The following OTOG variants were observed in gnomAD, a reference collection of about 807,000 sequenced individuals.
The protein encoded by OTOG is otogelin.
A neutral mutation model predicts 313.8 loss-of-function variants in OTOG; 296 were observed. That is an observed-to-expected ratio of 0.94 (90% CI 0.86 to 1.04). The LOEUF is 1.04. OTOG is among the 50% of genes least tolerant of loss of function. The pLI is 0.00. For missense variants in OTOG, 3,948 were observed against 3,840.1 expected (o/e 1.03, Z -0.74); for synonymous variants, 1,533 against 1,554.9 (o/e 0.99, Z 0.33).
At chr11:17,582,128 T>G (rs2134042663) in intron 23 of OTOG, among the ~76,000 whole-genome samples, 1 of 152,354 alleles carries the variant, frequency 6.6e-6, no homozygotes, top group Non-Finnish European at 1.5e-5. Context: ...TTGACATCTA[T>G]GTATATATCA....
At position 17,553,228 on chromosome 11, in the gene OTOG, C is replaced by A. The variant is rs951762232; in HGVS notation, c.385+17C>A. 9.0e-6 allele frequency: 14 copies of A among 1,549,330 alleles called. No individual in the cohort carries two copies. In the African/African-American group the frequency reaches 9.6e-5, roughly 11 times the overall value. On this transcript the variant is annotated intron_variant, in intron 5 of 55. Transcript: ENST00000399397. ...GCCAGATGGGTGGGTCTGGGCTCCA[C>A]CCCACCCCCAGGAAGGGACCTGGGT... is the stretch of plus-strand genomic sequence containing the variant.
Position 17,547,473 on chromosome 11 carries a change from G to T in OTOG, c.94+7G>T. On this transcript the variant is annotated splice_region_variant and intron_variant, in intron 1 of 55. Transcript: ENST00000399397. The stretch of plus-strand genomic sequence containing the variant: ...CTGCGGGTGCAGCGCCTCGGTGAGA[G>T]GGTTGTGGACTCAGGGAGGTCGGGG... The T allele has an allele frequency of 7.3e-7, 1 of 1,369,094 alleles. No individual in the cohort carries two copies. The highest frequency in any genetic ancestry group is 9.4e-7 in the Non-Finnish European group (1 of 1,065,208). 84.8% of individuals were successfully genotyped at this position (1,369,094 alleles called of 1,614,324 possible). A position where few individuals can be genotyped will look rare whatever the true frequency, so the allele number is the denominator to read the frequency against.
intron 39 of OTOG, among the ~76,000 whole-genome samples, chr11:17,615,290 T>C (rs1853692736): frequency 6.6e-6 from 1 of 152,212 alleles, no homozygotes; most frequent in South Asian, 2.1e-4. Context: ...AATTTTCCAG[T>C]CTGTAGAGTG....
chr11:17,599,271 C>T (rs1424656730), intron 30 of OTOG, among the ~76,000 whole-genome samples: 2 of 152,164 alleles, frequency 1.3e-5, no homozygotes, highest in African/African-American at 2.4e-5. Context: ...TCTTGGAAGA[C>T]CAGCCTCCAT....
rs1422941229 is a variant in OTOG at position 17,593,592 on chromosome 11, C to T, written c.3142-18C>T. The T allele has an allele frequency of 2.1e-5, 33 of 1,548,234 alleles. No individual in the cohort carries two copies. Among genetic ancestry groups the T allele is most frequent in the Non-Finnish European group, 2.9e-5 (33 of 1,146,734 alleles). On this transcript the variant is annotated intron_variant, in intron 26 of 55. Coordinates refer to ENST00000399397, the MANE Select transcript of OTOG (RefSeq NM_001292063.2). ...AGGGGGCACTTGGGCTCAGGACTGA[C>T]CATCTCTGTCCCTCTAGAGTCCAGA...
At chr11:17,556,963 G>C (rs1402863372) in intron 7 of OTOG, among the ~76,000 whole-genome samples, 155 bp from the exon 8 acceptor site, 1 of 152,178 alleles carries the variant, frequency 6.6e-6, no homozygotes, top group East Asian at 1.9e-4. Context: ...CATCTCTAAT[G>C]GTATACTTCC....
intron 36 of OTOG, 130 bp from the exon 37 acceptor site, chr11:17,612,032 G>A: frequency 8.9e-7 from 1 of 1,123,014 alleles, no homozygotes; most frequent in Non-Finnish European, 1.3e-6. Context: ...AGGGGGTGAG[G>A]GCCTCTTTCC....
Position 17,602,289 on chromosome 11 carries a change from CAT to C in OTOG, c.3791_3792del (p.Ile1264SerfsTer29). 6.4e-7 allele frequency: 1 copy of C among 1,550,592 alleles called. No homozygotes were observed. The highest frequency in any genetic ancestry group is 8.7e-7 in the Non-Finnish European group (1 of 1,146,968). On this transcript the variant is annotated frameshift_variant, in exon 32 of 56. Coordinates refer to ENST00000399397, the MANE Select transcript of OTOG (RefSeq NM_001292063.2). LOFTEE classifies it high-confidence loss of function. ...LVGMKAVGDD[I>X]VLVRTEDVAP... ...TGGGCATGAAGGCGGTGGGCGATGA[CAT>C]AGTCCTAGTGAGGACAGAGGATGTG...
At chr11:17,623,870 G>A (rs995710159) in intron 39 of OTOG, among the ~76,000 whole-genome samples, 2 of 152,098 alleles carry the variant, frequency 1.3e-5, no homozygotes, top group Admixed American at 1.3e-4. Flanking sequence ...TCTCATTGCT[G>A]TTTTGATTTG....
chr11:17,570,497 C>T (rs1295628901), intron 17 of OTOG, 107 bp downstream of exon 17: 14 of 995,684 alleles, frequency 1.4e-5, no homozygotes, highest in South Asian at 6.8e-5. Context: ...TTCACTGTGC[C>T]CAGCATGCAC....
In OTOG at chr11:17,610,732, C is replaced by G; in HGVS notation, c.5432C>G (p.Ala1811Gly). 6.5e-7 allele frequency: 1 copy of G among 1,550,092 alleles called. No individual in the cohort carries two copies. Among genetic ancestry groups the G allele is most frequent in the Middle Eastern group, 1.7e-4 (1 of 5,992 alleles). ...GLPPDTSLPL[A>G]KVGTSAPVAT... ...CCTCCCGACACCAGCCTGCCCCTGGCCAAGGTGGGCACATCTGCCCCAGTG... is the reference window on the plus strand; with the variant it reads ...CCTCCCGACACCAGCCTGCCCCTGGGCAAGGTGGGCACATCTGCCCCAGTG... The change falls in exon 36 of 56, where the codon GCC (alanine) becomes GGC (glycine). Residue 1811 changes from alanine to glycine, a missense_variant. Coordinates refer to ENST00000399397, the MANE Select transcript of OTOG (RefSeq NM_001292063.2).
chr11:17,566,336 T>C (rs921491548), intron 15 of OTOG, among the ~76,000 whole-genome samples: 1 of 152,230 alleles, frequency 6.6e-6, no homozygotes, highest in Non-Finnish European at 1.5e-5. Context: ...AAGAAAAGTC[T>C]GTACATGTTC....
chr11:17,632,399 A>G (rs1020203852), intron 42 of OTOG, among the ~76,000 whole-genome samples, 173 bp downstream of exon 42: 2 of 151,990 alleles, frequency 1.3e-5, no homozygotes, highest in Admixed American at 1.3e-4. Context: ...TTTATATTTA[A>G]TTTTTATATT....
In OTOG at chr11:17,593,237, C is replaced by T. The variant is rs753423817; in HGVS notation, c.3051C>T (p.Asn1017=). The change falls in exon 26 of 56, where the codon AAC becomes AAT. Residue 1017 remains asparagine (N), a synonymous_variant. Coordinates refer to ENST00000399397, the MANE Select transcript of OTOG (RefSeq NM_001292063.2). ...VSFSVIVENV[N]CYSSGMICRK... ...TCTCTGTGATTGTAGAGAATGTGAA[C>T]TGCTACAGCTCTGGCATGATCTGCA... 4.5e-6 allele frequency: 7 copies of T among 1,550,020 alleles called. No homozygotes were observed. The highest frequency in any genetic ancestry group is 1.7e-4 in the Middle Eastern group (1 of 5,992).
At position 17,558,281 on chromosome 11, in the gene OTOG, C is replaced by T. The variant is rs1386037158; in HGVS notation, c.962C>T (p.Pro321Leu). Residue 321 changes from proline (P) to leucine (L), a missense_variant, in exon 9 of 56, where the codon CCA becomes CTA. Coordinates refer to ENST00000399397, the MANE Select transcript of OTOG (RefSeq NM_001292063.2). ...PGPTTSSLPRPPCLQQNPGTM... is the reference protein window; with the variant it reads ...PGPTTSSLPRLPCLQQNPGTM... Reference sequence around the variant, plus strand: ...CCCACAACTTCCTCCCTGCCTCGCCCACCGTGCCTACAGCAGAACCCAGGA... The same window carrying T: ...CCCACAACTTCCTCCCTGCCTCGCCTACCGTGCCTACAGCAGAACCCAGGA... 2 of 1,550,754 alleles carry T rather than the reference C, an allele frequency of 1.3e-6. No homozygotes were observed. Among genetic ancestry groups the T allele is most frequent in the African/African-American group, 2.7e-5 (2 of 73,066 alleles).
In OTOG at chr11:17,547,440, C is replaced by T. The variant is rs914332388; in HGVS notation, c.68C>T (p.Ala23Val). 7.2e-7 allele frequency: 1 copy of T among 1,389,144 alleles called. No homozygotes were observed. The highest frequency in any genetic ancestry group is 9.3e-7 in the Non-Finnish European group (1 of 1,076,710). The allele number at this position is 1,389,144 out of a possible 1,614,324, so 86.1% of individuals were successfully genotyped here. ...CVWLPWGEQA[A>V]ESLRVQRLAA... is the part of the protein sequence containing the mutation. The stretch of plus-strand genomic sequence containing the variant: ...TGGCTGCCCTGGGGTGAGCAGGCAG[C>T]CGAGTCCCTGCGGGTGCAGCGCCTC... Residue 23 changes from alanine to valine, a missense_variant, in exon 1 of 56, where the codon GCC becomes GTC. Ala to Val is a moderately conservative substitution (Grantham distance 64, BLOSUM62 0). Coordinates refer to ENST00000399397, the MANE Select transcript of OTOG (RefSeq NM_001292063.2).
intron 16 of OTOG, 110 bp downstream of exon 16, chr11:17,569,398 A>G: frequency 7.1e-7 from 1 of 1,416,712 alleles, no homozygotes; most frequent in Non-Finnish European, 9.6e-7. Flanking sequence ...CTCATATTCT[A>G]GTACTGGGTA....
At chr11:17,595,957 C>A in intron 28 of OTOG, 81 bp from the exon 29 acceptor site, 1 of 947,012 alleles carries the variant, frequency 1.1e-6, no homozygotes, top group South Asian at 1.5e-5. Context: ...ATCATGGCGG[C>A]CACCCTAAAA....
chr11:17,633,827 T>A lies in OTOG; in HGVS notation c.7220T>A (p.Ile2407Asn). ...GGCTGCGTCTGCTCCGAGGGCACCA[T>A]CTTACACCGGCGCCACTCTGCACTC... ...GEGCVCSEGTILHRRHSALCI... is the reference protein window; with the variant it reads ...GEGCVCSEGTNLHRRHSALCI... The change falls in exon 43 of 56, where the codon ATC (isoleucine) becomes AAC (asparagine). Residue 2407 changes from isoleucine (I) to asparagine (N), a missense_variant. By Grantham distance (149) the Ile-to-Asn change is moderately radical. Coordinates refer to ENST00000399397, the MANE Select transcript of OTOG (RefSeq NM_001292063.2). 1.3e-6 allele frequency: 2 copies of A among 1,549,810 alleles called. No homozygotes were observed. Among genetic ancestry groups the A allele is most frequent in the Non-Finnish European group, 1.7e-6 (2 of 1,146,790 alleles).
Sources: allele counts gnomAD v4.1 joint callset (sites outside exome capture counted in the v4.1 genomes callset), GRCh38; gene constraint gnomAD v4.1.1; transcripts MANE v1.5; gene names NCBI Gene and HGNC (gene_info 2026-07-23, HGNC 2026-07-21).